The following NTM variants were observed in gnomAD, a reference collection of about 807,000 sequenced individuals.
NTM encodes the protein IgLON family member 2.
In NTM, 13 loss-of-function variants were observed where a neutral mutation model predicts 42.1. That is an observed-to-expected ratio of 0.31 (90% CI 0.20 to 0.49). The LOEUF (loss-of-function observed/expected upper bound fraction) is 0.49, where lower values mean the gene tolerates loss of function less well. Ranked by LOEUF, NTM falls within the 20% of genes least tolerant of loss-of-function variation. The probability of loss-of-function intolerance (pLI) is 0.99; values close to 1 mark genes in which losing one functional copy is unlikely to be tolerated. For synonymous variants in NTM, 187 were observed against 179.2 expected, an observed-to-expected ratio of 1.04 and a Z score of -0.35; for missense variants, 373 against 452.8, an observed-to-expected ratio of 0.82 and a Z score of 1.60.
intron 2 of NTM, among the ~76,000 whole-genome samples, chr11:132,041,645 A>C (rs1271970542): frequency 6.6e-6 from 1 of 152,156 alleles, no homozygotes; most frequent in African/African-American, 2.4e-5. Flanking sequence ...TTCTCTCTCC[A>C]CGGTAAATGG....
rs149111164 is a variant in NTM, at chr11:132,100,019, C to G, written c.168-46263C>G. ...CACCCCCTAAACTTCTCCTTTGAGA[C>G]ACTGGACTAAAATCGTGAACAAAAT... On this transcript the variant is annotated intron_variant, in intron 2 of 8. Coordinates refer to ENST00000683400, the MANE Select transcript of NTM (RefSeq NM_001352005.2). Among the ~76,000 whole-genome samples, 287 of 152,292 alleles carry G rather than the reference C, an allele frequency of 1.9e-3. 1 individual carries two copies. The highest frequency in any genetic ancestry group is 3.0e-3 in the Non-Finnish European group (201 of 68,028).
At chr11:132,318,317 G>A (rs747888053) in intron 7 of NTM, among the ~76,000 whole-genome samples, 47 of 152,036 alleles carry the variant, frequency 3.1e-4, no homozygotes, top group Admixed American at 1.8e-3. Context: ...CTTATCCACC[G>A]TACAGAGTTG....
At chr11:131,660,996 GA>G (rs2067968896) in intron 1 of NTM, 1 of 1,304,366 alleles carries the variant, frequency 7.7e-7, no homozygotes, top group Admixed American at 2.3e-5. Flanking sequence ...AAAAAAAAAT[GA>G]ACGGAAAAAG....
At chr11:131,803,017 A>G (rs1199195246) in intron 1 of NTM, among the ~76,000 whole-genome samples, 1 of 152,198 alleles carries the variant, frequency 6.6e-6, no homozygotes, top group East Asian at 1.9e-4. Flanking sequence ...GCATCAGCCA[A>G]TAATTCTAGC....
chr11:131,870,613 T>C (rs2137072894), intron 1 of NTM, among the ~76,000 whole-genome samples: 1 of 152,202 alleles, frequency 6.6e-6, no homozygotes, highest in South Asian at 2.1e-4. Flanking sequence ...TCCCTACCTT[T>C]TCTGAGGTTC....
At chr11:131,533,332 C>A (rs781615409) in intron 1 of NTM, among the ~76,000 whole-genome samples, 3 of 152,164 alleles carry the variant, frequency 2.0e-5, no homozygotes, top group Non-Finnish European at 4.4e-5. Context: ...AAGCGTCGAG[C>A]GTGATTTACA....
chr11:131,681,063 C>G (rs2072632803), intron 1 of NTM, among the ~76,000 whole-genome samples: 3 of 37,486 alleles, frequency 8.0e-5, no homozygotes, highest in South Asian at 1.6e-3. Flanking sequence ...GTATGTCTCC[C>G]TGTGTGAGCG....
At chr11:131,796,897 T>C (rs574776959) in intron 1 of NTM, among the ~76,000 whole-genome samples, 2 of 152,350 alleles carry the variant, frequency 1.3e-5, no homozygotes, top group East Asian at 3.9e-4. Context: ...GAGTTGCATT[T>C]ATTACACTTA....
chr11:131,664,753 G>GTTTTTT (rs199824869), intron 1 of NTM, among the ~76,000 whole-genome samples: 2 of 112,886 alleles, frequency 1.8e-5, no homozygotes, highest in African/African-American at 6.7e-5. Context: ...CTCTTCCATT[G>GTTTTTT]TTTTTTTTTT....
At chr11:132,134,130 C>T (rs1459900489) in intron 2 of NTM, among the ~76,000 whole-genome samples, 1 of 152,092 alleles carries the variant, frequency 6.6e-6, no homozygotes. Context: ...ACCATGTTGC[C>T]CTGGCTTGTC....
intron 1 of NTM, among the ~76,000 whole-genome samples, chr11:131,579,495 G>A (rs916830876): frequency 2.0e-5 from 3 of 152,120 alleles, no homozygotes; most frequent in East Asian, 1.9e-4. Context: ...GCCCCACGTC[G>A]GCCTGGAGGA....
chr11:132,239,839 G>C lies in NTM; in HGVS notation c.526+27692G>C, dbSNP rs375900846. ...AAATTTTATCACAATTAAAGGAAAA[G>C]GACATCACTAATTTATTTTCATATT... On this transcript the variant is annotated intron_variant, in intron 4 of 8. Transcript: ENST00000683400. 5.9e-5 allele frequency among the ~76,000 whole-genome samples: 9 copies of C among 152,280 alleles called. No individual in the cohort carries two copies. The East Asian group carries it at 1.7e-3, about 29-fold the overall frequency.
intron 1 of NTM, among the ~76,000 whole-genome samples, chr11:131,639,833 G>A (rs2134212284): frequency 6.6e-6 from 1 of 152,174 alleles, no homozygotes; most frequent in East Asian, 1.9e-4. Context: ...GCGGGCGCCT[G>A]TAGTCCCAGC....
At chr11:132,140,761 C>T (rs941699340) in intron 2 of NTM, among the ~76,000 whole-genome samples, 1 of 152,176 alleles carries the variant, frequency 6.6e-6, no homozygotes, top group Admixed American at 6.5e-5. Context: ...CACGCCAACC[C>T]CATGGCAGCG....
At chr11:132,133,069 G>A (rs1469368974) in intron 2 of NTM, among the ~76,000 whole-genome samples, 1 of 152,216 alleles carries the variant, frequency 6.6e-6, no homozygotes. Context: ...CTTGAAGTAA[G>A]TAGCTAAGTA....
intron 1 of NTM, among the ~76,000 whole-genome samples, chr11:131,738,999 G>C (rs920485014): frequency 6.6e-6 from 1 of 152,138 alleles, no homozygotes; most frequent in African/African-American, 2.4e-5. Flanking sequence ...GATCCCTGCA[G>C]CTTTGTCACT....
chr11:131,842,252 A>G (rs1407670833), intron 1 of NTM, among the ~76,000 whole-genome samples: 1 of 152,172 alleles, frequency 6.6e-6, no homozygotes, highest in Non-Finnish European at 1.5e-5. Context: ...TTTCTTTGGA[A>G]CATATGAGTC....
At chr11:131,461,514 A>G (rs1951376876) in intron 1 of NTM, among the ~76,000 whole-genome samples, 1 of 152,194 alleles carries the variant, frequency 6.6e-6, no homozygotes, top group Admixed American at 6.5e-5. Flanking sequence ...CAGAGAAAAG[A>G]GATTAGAAGG....
intron 1 of NTM, among the ~76,000 whole-genome samples, chr11:131,561,120 C>T (rs1275864314): frequency 2.0e-5 from 3 of 152,146 alleles, no homozygotes; most frequent in South Asian, 2.1e-4. Flanking sequence ...AGGCTTTTAC[C>T]GAGGAGAAAT....
Sources: gnomAD v4.1 joint callset for allele counts (sites outside exome capture counted in the v4.1 genomes callset) on GRCh38, gnomAD v4.1.1 for gene constraint, MANE v1.5 for transcripts, NCBI Gene and HGNC (gene_info 2026-07-23, HGNC 2026-07-21) for gene names.